Variants in ACER1 observed in about 807,000 individuals in gnomAD.
ACER1 encodes alkaline ceramidase 1, also known as CTB-180A7.3.
In ACER1, 28 loss-of-function variants were observed where a neutral mutation model predicts 24.9. The observed-to-expected ratio is 1.13, with a 90% CI of 0.83 to 1.54. The LOEUF (loss-of-function observed/expected upper bound fraction) is 1.54, where lower values mean the gene tolerates loss of function less well. ACER1 is among the 40% of genes most tolerant of loss of function. The pLI is 0.00. For missense variants in ACER1, 352 were observed against 349.3 expected (o/e 1.01, Z -0.06); for synonymous variants, 132 against 131.4 (o/e 1.00, Z -0.03).
intron 1 of ACER1, among the ~76,000 whole-genome samples, chr19:6,313,409 C>T (rs759981526): frequency 1.2e-4 from 19 of 152,196 alleles, no homozygotes; most frequent in Non-Finnish European, 2.6e-4. Flanking sequence ...TGAACCACTG[C>T]ACCCAGCCCC....
chr19:6,321,867 C>T (rs750720632), intron 1 of ACER1, among the ~76,000 whole-genome samples: 1 of 151,904 alleles, frequency 6.6e-6, no homozygotes, highest in Non-Finnish European at 1.5e-5. Flanking sequence ...CCACCACGGC[C>T]TCCCAAAGTA....
intron 1 of ACER1, among the ~76,000 whole-genome samples, chr19:6,331,922 G>A (rs1055333187): frequency 6.6e-6 from 1 of 151,918 alleles, no homozygotes; most frequent in Non-Finnish European, 1.5e-5. Context: ...ACTGATCTTT[G>A]GCTTTAAGCT....
chr19:6,350,093 C>T, the ACER1 span, among the ~76,000 whole-genome samples: 3 of 151,892 alleles, frequency 2.0e-5, no homozygotes, highest in Admixed American at 6.6e-5. Context: ...ACTGCACTAC[C>T]GCACTCCAGC....
At chr19:6,314,869 G>A (rs1172245562) in intron 1 of ACER1, among the ~76,000 whole-genome samples, 6 of 143,116 alleles carry the variant, frequency 4.2e-5, no homozygotes, top group Admixed American at 6.8e-5. Flanking sequence ...ATACACAATG[G>A]AATTTTATTT....
At chr19:6,343,376 T>C in the ACER1 span, among the ~76,000 whole-genome samples, 13,514 of 152,128 alleles carry the variant, frequency 0.089, 1,248 homozygotes, top group African/African-American at 0.24. Flanking sequence ...CATCCCAGCA[T>C]GTGGCCTCCA....
the ACER1 span, among the ~76,000 whole-genome samples, chr19:6,354,830 G>A: frequency 1.8e-4 from 27 of 151,396 alleles, no homozygotes; most frequent in African/African-American, 6.4e-4. Context: ...TTTCCCCACG[G>A]TCTCCCTCTC....
At chr19:6,348,652 TAA>T in the ACER1 span, among the ~76,000 whole-genome samples, 2 of 149,756 alleles carry the variant, frequency 1.3e-5, no homozygotes, top group African/African-American at 4.9e-5. Flanking sequence ...CCACAGGCAT[TAA>T]AAAAAAAGAT....
At chr19:6,334,304 A>T (rs1372134169), upstream of ACER1, among the ~76,000 whole-genome samples, 2 of 151,742 alleles carry the variant, frequency 1.3e-5, no homozygotes, top group Non-Finnish European at 2.9e-5. Context: ...TTGGCCTCCC[A>T]AAGTGCTGGG....
intron 4 of ACER1, among the ~76,000 whole-genome samples, chr19:6,308,007 C>T (rs2091560240): frequency 2.0e-5 from 3 of 151,730 alleles, no homozygotes; most frequent in African/African-American, 7.3e-5. Context: ...CACTTGAACC[C>T]AAGAGGCGGA....
At chr19:6,313,660 T>C (rs1006852705) in intron 1 of ACER1, among the ~76,000 whole-genome samples, 3 of 152,186 alleles carry the variant, frequency 2.0e-5, no homozygotes, top group Non-Finnish European at 2.9e-5. Context: ...GCCATGGATG[T>C]CATGAGTTGA....
chr19:6,333,689 C>T, upstream of ACER1: 3 of 653,508 alleles, frequency 4.6e-6, no homozygotes, highest in Non-Finnish European at 7.7e-6. Flanking sequence ...ACCTGCTGGG[C>T]CGCTCCCCAG....
intron 1 of ACER1, among the ~76,000 whole-genome samples, chr19:6,324,860 AAAGG>A (rs775468275): frequency 0.063 from 6,348 of 100,120 alleles, 184 homozygotes; most frequent in Middle Eastern, 0.097. Flanking sequence ...AGAGAGAGAG[AAAGG>A]AAGGAAGGAA....
intron 1 of ACER1, among the ~76,000 whole-genome samples, chr19:6,323,202 C>T (rs575152732): frequency 9.9e-5 from 15 of 152,110 alleles, no homozygotes; most frequent in South Asian, 8.3e-4. Flanking sequence ...AGGCAGATCA[C>T]GAAGTCAGGA....
chr19:6,315,716 T>C lies in ACER1; in HGVS notation c.94-3217A>G, dbSNP rs550825488. Among the ~76,000 whole-genome samples, 5 of 152,086 alleles carry C rather than the reference T, an allele frequency of 3.3e-5. No individual in the cohort carries two copies. In the East Asian group the frequency reaches 9.7e-4, roughly 30 times the overall value. ...TTTTTGTACAGATGGGATTTGGCCA[T>C]GTGGCCCAGGCTGGTCTCTAACTCC... On this transcript the variant is annotated intron_variant, in intron 1 of 5. Coordinates refer to ENST00000301452, the MANE Select transcript of ACER1 (RefSeq NM_133492.3).
chr19:6,318,987 A>T (rs1445104789), intron 1 of ACER1, among the ~76,000 whole-genome samples: 1 of 151,708 alleles, frequency 6.6e-6, no homozygotes, highest in East Asian at 2.0e-4. Flanking sequence ...AGCAGGACAC[A>T]TCATCAATGG....
chr19:6,349,449 G>T, the ACER1 span, among the ~76,000 whole-genome samples: 1 of 139,566 alleles, frequency 7.2e-6, no homozygotes, highest in African/African-American at 2.8e-5. Context: ...AGGGAGGAAA[G>T]AAGGAAGGAA....
At chr19:6,329,356 TATAGAATAGAATAGAATAGAATAGA>T (rs57029699) in intron 1 of ACER1, among the ~76,000 whole-genome samples, 11 of 134,034 alleles carry the variant, frequency 8.2e-5, no homozygotes, top group African/African-American at 3.1e-4. Context: ...GGCTTTTTGA[TATAGAATAGAATAGAATAGAATAGA>T]ATAGAATAGA....
intron 1 of ACER1, among the ~76,000 whole-genome samples, chr19:6,326,447 T>C (rs1325419541): frequency 6.6e-6 from 1 of 151,650 alleles, no homozygotes; most frequent in Non-Finnish European, 1.5e-5. Context: ...TAATCTTTTG[T>C]AGTGATGGGG....
At chr19:6,327,934 G>A (rs1462241000) in intron 1 of ACER1, among the ~76,000 whole-genome samples, 1 of 151,664 alleles carries the variant, frequency 6.6e-6, no homozygotes, top group East Asian at 1.9e-4. Flanking sequence ...AAAATAGCTG[G>A]GCATGGTGGT....
Sources: allele counts gnomAD v4.1 joint callset (sites outside exome capture counted in the v4.1 genomes callset), GRCh38; gene constraint gnomAD v4.1.1; transcripts MANE v1.5; gene names NCBI Gene and HGNC (gene_info 2026-07-23, HGNC 2026-07-21).